Variants in RALYL observed in about 807,000 individuals in gnomAD.
RALYL encodes RNA-binding Raly-like protein.
RALYL carries 29 observed loss-of-function variants against 35.1 expected under a neutral mutation model. That is an observed-to-expected ratio of 0.83 (90% CI 0.61 to 1.13). The LOEUF (loss-of-function observed/expected upper bound fraction) is 1.13, where lower values mean the gene tolerates loss of function less well. Ranked by LOEUF, RALYL falls within the 50% of genes most tolerant of loss-of-function variation. The probability of loss-of-function intolerance (pLI) is 0.00; values close to 1 mark genes in which losing one functional copy is unlikely to be tolerated. For missense variants in RALYL, 359 were observed against 360.4 expected (o/e 1.00, Z 0.03); for synonymous variants, 120 against 127.6 (o/e 0.94, Z 0.40).
intron 4 of RALYL, among the ~76,000 whole-genome samples, chr8:84,830,029 G>C (rs998219512): frequency 9.8e-6 from 1 of 102,120 alleles, no homozygotes; most frequent in Non-Finnish European, 2.0e-5. Flanking sequence ...GGGGGGGGGG[G>C]CATTTTAAGC....
intron 1 of RALYL, among the ~76,000 whole-genome samples, chr8:84,356,901 G>T (rs1393264955): frequency 0.026 from 3,719 of 143,764 alleles, 222 homozygotes; most frequent in African/African-American, 0.038. Flanking sequence ...TAGAATAATA[G>T]AGTAAATAGT....
intron 2 of RALYL, among the ~76,000 whole-genome samples, chr8:84,611,311 T>C (rs1371031444): frequency 1.3e-5 from 2 of 152,116 alleles, no homozygotes; most frequent in Non-Finnish European, 2.9e-5. Flanking sequence ...TTACAGCAAA[T>C]AAATGTTTAT....
chr8:84,805,108 C>T (rs1489292899), intron 4 of RALYL, among the ~76,000 whole-genome samples: 1 of 152,118 alleles, frequency 6.6e-6, no homozygotes, highest in Non-Finnish European at 1.5e-5. Context: ...TTAAAAATTC[C>T]TCTGAGCCAT....
chr8:84,575,775 T>G (rs1003876710), intron 2 of RALYL, among the ~76,000 whole-genome samples: 10 of 152,146 alleles, frequency 6.6e-5, no homozygotes, highest in African/African-American at 1.9e-4. Flanking sequence ...TGATGACTGC[T>G]GTGGAGACAG....
chr8:84,527,788 G>A (rs150597420), intron 1 of RALYL, among the ~76,000 whole-genome samples: 3 of 152,252 alleles, frequency 2.0e-5, no homozygotes, highest in African/African-American at 7.2e-5. Context: ...ATACAAGGCA[G>A]TGTTATAATC....
chr8:84,599,537 A>T (rs1815410656), intron 2 of RALYL, among the ~76,000 whole-genome samples: 1 of 152,048 alleles, frequency 6.6e-6, no homozygotes, highest in African/African-American at 2.4e-5. Context: ...AACATTAGTG[A>T]AATGTCATTT....
intron 2 of RALYL, among the ~76,000 whole-genome samples, chr8:84,767,986 C>A (rs1022075164): frequency 6.6e-6 from 1 of 152,150 alleles, no homozygotes; most frequent in Non-Finnish European, 1.5e-5. Flanking sequence ...GAGCTCTGAA[C>A]GTTGATATTT....
At chr8:84,709,438 A>G (rs1279966542) in intron 2 of RALYL, among the ~76,000 whole-genome samples, 1 of 152,152 alleles carries the variant, frequency 6.6e-6, no homozygotes, top group Non-Finnish European at 1.5e-5. Context: ...ACGTGTATAT[A>G]TACATAAACA....
intron 3 of RALYL, 30 bp from the exon 4 acceptor site, chr8:84,804,740 T>C (rs1449133538): frequency 8.9e-7 from 1 of 1,124,502 alleles, no homozygotes; most frequent in African/African-American, 1.6e-5. Flanking sequence ...AATTTTTATA[T>C]TAAAAGAAAA....
At chr8:84,840,136 G>A (rs1383511002) in intron 4 of RALYL, among the ~76,000 whole-genome samples, 1 of 152,172 alleles carries the variant, frequency 6.6e-6, no homozygotes, top group East Asian at 1.9e-4. Context: ...TTGACGAGTT[G>A]AGAGAATAAG....
At chr8:84,730,136 T>C (rs1029555108) in intron 2 of RALYL, among the ~76,000 whole-genome samples, 12 of 152,100 alleles carry the variant, frequency 7.9e-5, no homozygotes, top group African/African-American at 2.7e-4. Flanking sequence ...AAATCCTCAA[T>C]AAAATACTGG....
intron 1 of RALYL, among the ~76,000 whole-genome samples, chr8:84,266,977 A>G (rs2131885054): frequency 6.6e-6 from 1 of 151,814 alleles, no homozygotes; most frequent in South Asian, 2.1e-4. Flanking sequence ...AAAAAAAAAA[A>G]AAAAATTGAT....
chr8:84,573,071 T>A (rs920889838), intron 2 of RALYL, among the ~76,000 whole-genome samples: 1 of 151,588 alleles, frequency 6.6e-6, no homozygotes, highest in Non-Finnish European at 1.5e-5. Context: ...AACCTTTTAT[T>A]GTTTTTTCCT....
intron 2 of RALYL, among the ~76,000 whole-genome samples, chr8:84,556,037 C>T (rs1439580683): frequency 6.6e-6 from 1 of 152,182 alleles, no homozygotes; most frequent in Non-Finnish European, 1.5e-5. Context: ...GGTCTGCACT[C>T]TCTCCCCAGA....
At chr8:84,855,048 G>T (rs1395619635) in intron 5 of RALYL, among the ~76,000 whole-genome samples, 1 of 152,198 alleles carries the variant, frequency 6.6e-6, no homozygotes, top group East Asian at 1.9e-4. Context: ...TTGTTGCCAG[G>T]ATGAAGAAAC....
At chr8:84,471,961 G>T (rs1200680699) in intron 1 of RALYL, among the ~76,000 whole-genome samples, 1 of 152,108 alleles carries the variant, frequency 6.6e-6, no homozygotes, top group Non-Finnish European at 1.5e-5. Flanking sequence ...CTTACACATA[G>T]AAATTAGAGG....
chr8:84,742,752 T>C (rs1211296688), intron 2 of RALYL, among the ~76,000 whole-genome samples: 2 of 152,018 alleles, frequency 1.3e-5, no homozygotes, highest in Non-Finnish European at 2.9e-5. Context: ...AATAGTACAT[T>C]ACATATTGGT....
At chr8:84,389,158 T>A (rs1419627926) in intron 1 of RALYL, among the ~76,000 whole-genome samples, 1 of 152,122 alleles carries the variant, frequency 6.6e-6, no homozygotes, top group Non-Finnish European at 1.5e-5. Context: ...GTTGTAGATA[T>A]ACGGCGTTAT....
rs141419889 is a variant in RALYL, at chr8:84,671,548, A to G, written c.257-103031A>G. 2.6e-5 allele frequency among the ~76,000 whole-genome samples: 4 copies of G among 152,308 alleles called. No homozygotes were observed. The East Asian group carries it at 7.7e-4, about 29-fold the overall frequency. ...TCCATACATCCTCTGAAATCTAGGC[A>G]GAGGCTCCCAAACTTCAATTCCTGA... On this transcript the variant is annotated intron_variant, in intron 2 of 8. Coordinates refer to ENST00000521268, the MANE Select transcript of RALYL (RefSeq NM_173848.7).
Sources: allele counts gnomAD v4.1 joint callset (sites outside exome capture counted in the v4.1 genomes callset), GRCh38; gene constraint gnomAD v4.1.1; transcripts MANE v1.5; gene names NCBI Gene and HGNC (gene_info 2026-07-23, HGNC 2026-07-21).